The following NEDD4L variants were observed in gnomAD, a reference collection of about 807,000 sequenced individuals.
NEDD4L encodes E3 ubiquitin-protein ligase NEDD4-like.
NEDD4L carries 54 observed loss-of-function variants against 148.9 expected under a neutral mutation model. The ratio of observed to expected loss-of-function variants is 0.36; its 90% CI spans 0.29 to 0.45. NEDD4L has a LOEUF of 0.45. Ranked by LOEUF, NEDD4L falls within the 20% of genes least tolerant of loss-of-function variation. The pLI, the probability that NEDD4L is intolerant of heterozygous loss-of-function variation, is 1.00. For missense variants in NEDD4L, 856 were observed against 1,233.8 expected, an observed-to-expected ratio of 0.69 and a Z score of 4.59; for synonymous variants, 433 against 440.7, an observed-to-expected ratio of 0.98 and a Z score of 0.22.
chr18:58,300,091 C>A (rs1163044980), intron 5 of NEDD4L, among the ~76,000 whole-genome samples: 1 of 152,200 alleles, frequency 6.6e-6, no homozygotes. Context: ...GGCTCCACTG[C>A]TTACTCACAG....
intron 1 of NEDD4L, among the ~76,000 whole-genome samples, chr18:58,149,072 A>G (rs1180191461): frequency 1.3e-5 from 2 of 152,236 alleles, no homozygotes; most frequent in Admixed American, 1.3e-4. Flanking sequence ...ACGTAAACTG[A>G]AAGTGGCAGA....
chr18:58,060,095 C>T (rs1211246592), intron 1 of NEDD4L, among the ~76,000 whole-genome samples: 1 of 125,192 alleles, frequency 8.0e-6, no homozygotes, highest in Admixed American at 9.6e-5. Flanking sequence ...GGAACCATCA[C>T]GCTGTGGTGT....
intron 24 of NEDD4L, among the ~76,000 whole-genome samples, chr18:58,380,158 C>T (rs1234814017): frequency 1.3e-5 from 2 of 151,286 alleles, no homozygotes; most frequent in Non-Finnish European, 2.9e-5. Context: ...AAATAAATGT[C>T]ACTTATTCCC....
At chr18:58,182,431 G>A (rs541842575) in intron 2 of NEDD4L, among the ~76,000 whole-genome samples, 2 of 151,388 alleles carry the variant, frequency 1.3e-5, no homozygotes, top group African/African-American at 4.8e-5. Context: ...TTTCTTTGCA[G>A]TTGCAGACAT....
intron 5 of NEDD4L, among the ~76,000 whole-genome samples, chr18:58,295,959 G>T (rs2055502158): frequency 6.6e-6 from 1 of 152,140 alleles, no homozygotes. Context: ...TTTCATTTTT[G>T]ATTGCCTTTG....
At chr18:58,148,683 A>C (rs894393889) in intron 1 of NEDD4L, among the ~76,000 whole-genome samples, 1 of 152,054 alleles carries the variant, frequency 6.6e-6, no homozygotes, top group African/African-American at 2.4e-5. Flanking sequence ...CACCCGTGTG[A>C]CCTCATTTTA....
chr18:58,325,239 C>T (rs907680759), intron 9 of NEDD4L, 77 bp downstream of exon 9: 75 of 1,534,132 alleles, frequency 4.9e-5, no homozygotes, highest in Middle Eastern at 2.3e-4. Flanking sequence ...CCCTTTGGGA[C>T]AAGGCTGGGA....
intron 22 of NEDD4L, among the ~76,000 whole-genome samples, chr18:58,369,548 A>G (rs942363860): frequency 3.3e-5 from 5 of 152,034 alleles, no homozygotes; most frequent in Non-Finnish European, 7.4e-5. Context: ...TCATGCTTTT[A>G]CTTCCCCAGA....
intron 1 of NEDD4L, among the ~76,000 whole-genome samples, chr18:58,050,457 G>C (rs963466462): frequency 2.0e-5 from 3 of 151,078 alleles, no homozygotes; most frequent in Admixed American, 2.0e-4. Flanking sequence ...GTGACAGAGT[G>C]AGACTCTGTC....
At chr18:58,307,189 G>A (rs911204281) in intron 5 of NEDD4L, among the ~76,000 whole-genome samples, 4 of 152,174 alleles carry the variant, frequency 2.6e-5, no homozygotes, top group Non-Finnish European at 5.9e-5. Context: ...GGAGGAGTGC[G>A]CACTGGGGTG....
intron 5 of NEDD4L, among the ~76,000 whole-genome samples, chr18:58,260,294 C>G (rs1226454554): frequency 6.6e-6 from 1 of 152,200 alleles, no homozygotes; most frequent in African/African-American, 2.4e-5. Context: ...TAGTAATGCT[C>G]TCTCTTAATG....
At position 58,165,818 on chromosome 18, in the gene NEDD4L, G is replaced by A. The variant is rs774070850; in HGVS notation, c.79G>A (p.Val27Ile). 2.7e-5 allele frequency: 43 copies of A among 1,611,452 alleles called. No individual in the cohort carries two copies. The highest frequency in any genetic ancestry group is 3.5e-5 in the Non-Finnish European group (41 of 1,178,698). Residue 27 changes from valine to isoleucine, a missense_variant, in exon 2 of 31, where the codon GTT (valine) becomes ATT (isoleucine). Val to Ile is a conservative substitution (Grantham distance 29). Coordinates refer to ENST00000400345, the MANE Select transcript of NEDD4L (RefSeq NM_001144967.3). ...GTCCCGTATTCTCAGAGTAAAAGTTGTTTCTGGAATTGATCTCGCCAAAAA... is the reference window on the plus strand; with the variant it reads ...GTCCCGTATTCTCAGAGTAAAAGTTATTTCTGGAATTGATCTCGCCAAAAA... ...GESRILRVKV[V>I]SGIDLAKKDI... is the part of the protein sequence containing the mutation.
rs572246881 is a variant in NEDD4L at position 58,161,298 on chromosome 18, T to C, written c.49-4490T>C. On this transcript the variant is annotated intron_variant, in intron 1 of 30. Transcript: ENST00000400345. Reference sequence around the variant, plus strand: ...CACCCATCTTGGCCTCCCAAAGTGCTGGGATTACAGGCATGAGCCACCGTA... The same window carrying C: ...CACCCATCTTGGCCTCCCAAAGTGCCGGGATTACAGGCATGAGCCACCGTA... 3.4e-4 allele frequency among the ~76,000 whole-genome samples: 52 copies of C among 152,342 alleles called. 2 individuals carry two copies. The South Asian group carries it at 9.9e-3, about 29-fold the overall frequency.
rs34644275 is a variant in NEDD4L, at chr18:58,125,358, G to GGTGTGTGTGTGT, written c.49-40411_49-40400dup. ...ACTGTCCTCTTCCCCCCACCAGGAG[G>GGTGTGTGTGTGT]GTGTGTGTGTGTGTGTGTGTGTGTG... On this transcript the variant is annotated intron_variant, in intron 1 of 30. Transcript: ENST00000400345. Among the ~76,000 whole-genome samples, 1,260 of 148,802 alleles carry GGTGTGTGTGTGT rather than the reference G, an allele frequency of 8.5e-3. 10 individuals are homozygous for GGTGTGTGTGTGT. The highest frequency in any genetic ancestry group is 0.012 in the South Asian group (56 of 4,626).
intron 1 of NEDD4L, among the ~76,000 whole-genome samples, chr18:58,119,024 T>C (rs2086047820): frequency 6.6e-6 from 1 of 152,258 alleles, no homozygotes; most frequent in Non-Finnish European, 1.5e-5. Flanking sequence ...GCCCTGTGGC[T>C]GTGCTTGCTA....
At position 58,401,097 on chromosome 18, in the gene NEDD4L, T is replaced by C. The variant is rs2050818582; in HGVS notation, c.*4828T>C. The C allele has an allele frequency of 6.6e-6, 1 of 152,142 alleles. No individual in the cohort carries two copies. The highest frequency in any genetic ancestry group is 2.4e-5 in the African/African-American group (1 of 41,416). 9.4% of individuals were successfully genotyped at this position (152,142 alleles called of 1,614,324 possible). A position where few individuals can be genotyped will look rare whatever the true frequency, so the allele number is the denominator to read the frequency against. On this transcript the variant is annotated 3_prime_UTR_variant, in exon 31 of 31. Transcript: ENST00000400345. ...CTAGGAAGATGATGTTAATTTGCTG[T>C]CATTTCCTAATTCAGGATCTATCAT...
At chr18:58,238,754 A>T (rs2046305019) in intron 2 of NEDD4L, among the ~76,000 whole-genome samples, 1 of 152,178 alleles carries the variant, frequency 6.6e-6, no homozygotes, top group Admixed American at 6.5e-5. Context: ...CAACCCTTTG[A>T]ATGCTTCTGA....
Position 58,216,094 on chromosome 18 carries a change from T to C in NEDD4L, c.123-29333T>C, listed in dbSNP as rs577673796. 3.9e-5 allele frequency among the ~76,000 whole-genome samples: 6 copies of C among 152,300 alleles called. No homozygotes were observed. In the East Asian group the frequency reaches 1.2e-3, roughly 29 times the overall value. On this transcript the variant is annotated intron_variant, in intron 2 of 30. Coordinates refer to ENST00000400345, the MANE Select transcript of NEDD4L (RefSeq NM_001144967.3). ...CTTTTGGTATAGATTACCAATTTGC[T>C]TTCCTAACGTGTGGTACTAGTTTAT...
At chr18:58,254,453 G>A (rs1263751753) in intron 5 of NEDD4L, among the ~76,000 whole-genome samples, 2 of 150,686 alleles carry the variant, frequency 1.3e-5, no homozygotes, top group Non-Finnish European at 2.9e-5. Context: ...AACATAGTAA[G>A]ATTCCATATT....
Sources: gnomAD v4.1 joint callset for allele counts (sites outside exome capture counted in the v4.1 genomes callset) on GRCh38, gnomAD v4.1.1 for gene constraint, MANE v1.5 for transcripts, NCBI Gene and HGNC (gene_info 2026-07-23, HGNC 2026-07-21) for gene names.